E2F2: variants seen among roughly 807,000 people sequenced by gnomAD.
E2F2 encodes the protein E2F transcription factor 2.
A neutral mutation model predicts 42.2 loss-of-function variants in E2F2; 22 were observed. The observed-to-expected ratio is 0.52, with a 90% CI of 0.37 to 0.74. E2F2 has a LOEUF of 0.74. Ranked by LOEUF, E2F2 falls within the 30% of genes least tolerant of loss-of-function variation. E2F2 has a pLI of 0.00. For synonymous variants in E2F2, 248 were observed against 251.6 expected (o/e 0.99, Z 0.13); for missense variants, 481 against 557.8 (o/e 0.86, Z 1.39).
Position 23,516,487 on chromosome 1 carries a change from A to G in E2F2, c.893T>C (p.Ile298Thr). The G allele has an allele frequency of 6.2e-7, 1 of 1,609,948 alleles. No homozygotes were observed. Among genetic ancestry groups the G allele is most frequent in the Non-Finnish European group, 8.5e-7 (1 of 1,178,262 alleles). ...CTCCTCTGGGCACAGGTAGACTTCGATGGGCCCTTGGGTGCTCTTGAGATA... is the reference window on the plus strand; with the variant it reads ...CTCCTCTGGGCACAGGTAGACTTCGGTGGGCCCTTGGGTGCTCTTGAGATA... Reference protein sequence around the residue: ...QIYLKSTQGPIEVYLCPEEVQ... With the variant: ...QIYLKSTQGPTEVYLCPEEVQ... Residue 298 changes from isoleucine to threonine, a missense_variant, in exon 6 of 7, where the codon ATC becomes ACC. By Grantham distance (89) the Ile-to-Thr change is moderately conservative (BLOSUM62 -1). Coordinates refer to ENST00000361729, the MANE Select transcript of E2F2 (RefSeq NM_004091.4).
chr1:23,514,560 G>A lies in E2F2; in HGVS notation c.1045+1775C>T, dbSNP rs117462922. ...TGGGGACAGCAAACTTCTATAAAGAGCTGGAGCCTGTAATCCCAGCACTTT... is the reference window on the plus strand; with the variant it reads ...TGGGGACAGCAAACTTCTATAAAGAACTGGAGCCTGTAATCCCAGCACTTT... On this transcript the variant is annotated intron_variant, in intron 6 of 6. Transcript: ENST00000361729. 3.5e-4 allele frequency among the ~76,000 whole-genome samples: 54 copies of A among 152,120 alleles called. No individual in the cohort carries two copies. The East Asian group carries it at 8.5e-3, about 24-fold the overall frequency.
In E2F2 at chr1:23,507,333, A is replaced by G. The variant is rs931533877; in HGVS notation, c.*2547T>C. The G allele has an allele frequency of 6.6e-6, 1 of 152,086 alleles. No individual in the cohort carries two copies. The highest frequency in any genetic ancestry group is 1.5e-5 in the Non-Finnish European group (1 of 68,116). 9.4% of individuals were successfully genotyped at this position (152,086 alleles called of 1,614,324 possible). ...GGAGTTCAAGACCAGCCTGACTAAC[A>G]TGGCAAAACCCCGTCTCGACCAAAA... On this transcript the variant is annotated 3_prime_UTR_variant, in exon 7 of 7. Coordinates refer to ENST00000361729, the MANE Select transcript of E2F2 (RefSeq NM_004091.4).
intron 2 of E2F2, among the ~76,000 whole-genome samples, chr1:23,522,341 GACC>G (rs1431106878): frequency 6.6e-6 from 1 of 152,324 alleles, no homozygotes; most frequent in East Asian, 1.9e-4. Flanking sequence ...AGGGCTGCCA[GACC>G]ACCACCCACA....
chr1:23,530,877 C>A lies in E2F2; in HGVS notation c.-84G>T. Reference sequence around the variant, plus strand: ...TCCGGTGCTGCCGCCTTTCACACGGCCCGCGGCATGGCGCGGAGGCCGGGG... The same window carrying A: ...TCCGGTGCTGCCGCCTTTCACACGGACCGCGGCATGGCGCGGAGGCCGGGG... On this transcript the variant is annotated 5_prime_UTR_variant, in exon 1 of 7. Transcript: ENST00000361729. The surrounding 1 kb of genome is among the most constrained non-coding windows in gnomAD (Gnocchi z 4.4). 7.2e-7 allele frequency: 1 copy of A among 1,398,334 alleles called. No homozygotes were observed. Among genetic ancestry groups the A allele is most frequent in the Admixed American group, 3.1e-5 (1 of 32,720 alleles). The allele number at this position is 1,398,334 out of a possible 1,614,324, so 86.6% of individuals were successfully genotyped here. A position where few individuals can be genotyped will look rare whatever the true frequency, so the allele number is the denominator to read the frequency against.
chr1:23,518,946 T>C, intron 5 of E2F2, 70 bp downstream of exon 5: 2 of 1,287,852 alleles, frequency 1.6e-6, no homozygotes, highest in Non-Finnish European at 2.2e-6. Flanking sequence ...GGACAGAGTC[T>C]GCAGAGCCGC....
Position 23,530,778 on chromosome 1 carries a change from G to A in E2F2, c.16C>T (p.Arg6Trp), listed in dbSNP as rs773794419. The A allele has an allele frequency of 7.7e-6, 12 of 1,551,350 alleles. No individual in the cohort carries two copies. The South Asian group carries it at 9.3e-5, about 12-fold the overall frequency. MLQGP[R>W]ALASAAGQTP... ...TGCCCAGCGGCCGAAGCCAAGGCCC[G>A]GGGCCCTTGCAGCATAGCGAGTAAG... is the stretch of plus-strand genomic sequence containing the variant. The change falls in exon 1 of 7, where the codon CGG (arginine) becomes TGG (tryptophan). Residue 6 changes from arginine to tryptophan, a missense_variant. Transcript: ENST00000361729. This position sits in a 1 kb window ranked among gnomAD's most constrained non-coding sequence, Gnocchi z 4.4.
Position 23,521,947 on chromosome 1 carries a change from G to T in E2F2, c.468C>A (p.Asn156Lys). Residue 156 changes from asparagine (N) to lysine (K), a missense_variant, in exon 3 of 7, where the codon AAC becomes AAA. Asn to Lys is a moderately conservative substitution (Grantham distance 94, BLOSUM62 0). Transcript: ENST00000361729. ...GCACGTCCAGCACCTCAGCGGCCCA[G>T]TTCAGGTCCAGGACCCCATCCTCTG... ...SESEDGVLDLNWAAEVLDVQK... is the reference protein window; with the variant it reads ...SESEDGVLDLKWAAEVLDVQK... The T allele has an allele frequency of 1.2e-6, 2 of 1,614,198 alleles. No individual in the cohort carries two copies. The highest frequency in any genetic ancestry group is 1.7e-6 in the Non-Finnish European group (2 of 1,180,034).
chr1:23,518,206 G>A (rs1397969693), intron 5 of E2F2, among the ~76,000 whole-genome samples: 5 of 151,648 alleles, frequency 3.3e-5, no homozygotes, highest in Admixed American at 3.3e-4. Flanking sequence ...GGTGGCTCAT[G>A]CCTGTAATCC....
chr1:23,510,566 C>T (rs1408180465), intron 6 of E2F2, among the ~76,000 whole-genome samples: 1 of 152,152 alleles, frequency 6.6e-6, no homozygotes, highest in African/African-American at 2.4e-5. Flanking sequence ...CTCAAGTGAT[C>T]GGCCTTCCAA....
rs770860819 is a variant in E2F2 at position 23,516,450 on chromosome 1, C to A, written c.930G>T (p.Pro310=). 2.5e-6 allele frequency: 4 copies of A among 1,609,532 alleles called. No individual in the cohort carries two copies. The South Asian group carries it at 4.4e-5, about 18-fold the overall frequency. ...GGAGAGGCTCCTCGGAAGGACTGTC[C>A]GGCTCCTGCACCTCCTCTGGGCACA... is the stretch of plus-strand genomic sequence containing the variant. ...VYLCPEEVQE[P]DSPSEEPLPS... is the part of the protein sequence containing the mutation. The change falls in exon 6 of 7, where the codon CCG becomes CCT. Residue 310 remains proline (P), a synonymous_variant. Coordinates refer to ENST00000361729, the MANE Select transcript of E2F2 (RefSeq NM_004091.4).
At position 23,524,426 on chromosome 1, in the gene E2F2, G is replaced by T. The variant is rs765337368; in HGVS notation, c.315C>A (p.Pro105=). The T allele has an allele frequency of 4.3e-6, 7 of 1,611,770 alleles. No individual in the cohort carries two copies. In the South Asian group the frequency reaches 7.7e-5, roughly 18 times the overall value. Reference sequence around the variant, plus strand: ...CATCCACTCTGATGCACTTCCCCTTGGGGGTTGGGAACTCAGGGACGACGG... The same window carrying T: ...CATCCACTCTGATGCACTTCCCCTTTGGGGTTGGGAACTCAGGGACGACGG... ...GRPVVPEFPT[P]KGKCIRVDGL... is the part of the protein sequence containing the mutation. Residue 105 remains proline (P), a synonymous_variant, in exon 2 of 7, where the codon CCC becomes CCA. Transcript: ENST00000361729.
rs1342464160 is a variant in E2F2, at chr1:23,521,051, T to C, written c.599A>G (p.Asp200Gly). The C allele has an allele frequency of 1.8e-5, 29 of 1,611,728 alleles. No individual in the cohort carries two copies. The highest frequency in any genetic ancestry group is 2.5e-5 in the Non-Finnish European group (29 of 1,179,072). Reference sequence around the variant, plus strand: ...TTGCTGCTTCCCAGGTCTGGTGGGGTCTTCAAACATTCCCCTGCCTCTGGG... The same window carrying C: ...TTGCTGCTTCCCAGGTCTGGTGGGGCCTTCAAACATTCCCCTGCCTCTGGG... ...IQWVGRGMFE[D>G]PTRPGKQQQL... The change falls in exon 4 of 7, where the codon GAC becomes GGC. Residue 200 changes from aspartate (D) to glycine (G), a missense_variant. Asp to Gly is a moderately conservative substitution (Grantham distance 94). Transcript: ENST00000361729.
Position 23,509,676 on chromosome 1 carries a change from G to A in E2F2, c.*204C>T. 1 of 1,010,396 alleles carries A rather than the reference G, an allele frequency of 9.9e-7. No homozygotes were observed. Among genetic ancestry groups the A allele is most frequent in the Non-Finnish European group, 1.3e-6 (1 of 773,612 alleles). 62.6% of individuals were successfully genotyped at this position (1,010,396 alleles called of 1,614,324 possible). Reference sequence around the variant, plus strand: ...TAGGCCCAGCTTCCATTAGGAAGGTGAGGACCACCCCTTATCCACTCCTCA... The same window carrying A: ...TAGGCCCAGCTTCCATTAGGAAGGTAAGGACCACCCCTTATCCACTCCTCA... On this transcript the variant is annotated 3_prime_UTR_variant, in exon 7 of 7. Transcript: ENST00000361729.
intron 1 of E2F2, among the ~76,000 whole-genome samples, chr1:23,527,435 G>A (rs1474617660): frequency 1.3e-5 from 2 of 152,216 alleles, no homozygotes; most frequent in African/African-American, 4.8e-5. Flanking sequence ...TTCAAGGCCT[G>A]GTCAGGACGC....
chr1:23,519,637 T>A (rs993322961), intron 4 of E2F2, among the ~76,000 whole-genome samples: 6 of 152,202 alleles, frequency 3.9e-5, no homozygotes, highest in Non-Finnish European at 8.8e-5. Context: ...ATTCTATGTA[T>A]AAAGATATTC....
At position 23,516,371 on chromosome 1, in the gene E2F2, T is replaced by G; in HGVS notation, c.1009A>C (p.Thr337Pro). ...GTGGGCTCCATGATGCTAGGGTCGGTGCTGCTGCTGGGCTGGGCAGAGTCA... is the reference window on the plus strand; with the variant it reads ...GTGGGCTCCATGATGCTAGGGTCGGGGCTGCTGCTGGGCTGGGCAGAGTCA... ...SPDSAQPSSS[T>P]DPSIMEPTAS... Residue 337 changes from threonine to proline, a missense_variant, in exon 6 of 7, where the codon ACC (threonine) becomes CCC (proline). By Grantham distance (38) the Thr-to-Pro change is conservative. Transcript: ENST00000361729. The G allele has an allele frequency of 6.3e-7, 1 of 1,581,760 alleles. No homozygotes were observed. Among genetic ancestry groups the G allele is most frequent in the Non-Finnish European group, 8.6e-7 (1 of 1,166,382 alleles).
chr1:23,513,065 G>A (rs1396007632), intron 6 of E2F2, among the ~76,000 whole-genome samples: 1 of 151,700 alleles, frequency 6.6e-6, no homozygotes, highest in African/African-American at 2.4e-5. Context: ...CACCTCCCTC[G>A]GCCTCTCCAA....
rs1170574415 is a variant in E2F2, at chr1:23,530,762, G to A, written c.32C>T (p.Ala11Val). 6 of 1,571,646 alleles carry A rather than the reference G, an allele frequency of 3.8e-6. No homozygotes were observed. In the East Asian group the frequency reaches 6.9e-5, roughly 18 times the overall value. Residue 11 changes from alanine (A) to valine (V), a missense_variant, in exon 1 of 7, where the codon GCC (alanine) becomes GTC (valine). Ala to Val is a moderately conservative substitution (Grantham distance 64, BLOSUM62 0). Coordinates refer to ENST00000361729, the MANE Select transcript of E2F2 (RefSeq NM_004091.4). The surrounding 1 kb of genome is among the most constrained non-coding windows in gnomAD (Gnocchi z 4.4). Reference protein sequence around the residue: MLQGPRALASAAGQTPKVVPA... With the variant: MLQGPRALASVAGQTPKVVPA... ...CACCACCTTCGGGGTCTGCCCAGCG[G>A]CCGAAGCCAAGGCCCGGGGCCCTTG...
chr1:23,517,110 A>AT (rs1433747864), intron 5 of E2F2, among the ~76,000 whole-genome samples: 5 of 152,256 alleles, frequency 3.3e-5, no homozygotes, highest in Non-Finnish European at 2.9e-5. Context: ...GAGCATCTAC[A>AT]TCCAACCTTG....
Sources: gnomAD v4.1 joint callset for allele counts (sites outside exome capture counted in the v4.1 genomes callset) on GRCh38, gnomAD v4.1.1 for gene constraint, Gnocchi (gnomAD v3.1) non-coding constraint, MANE v1.5 for transcripts, NCBI Gene and HGNC (gene_info 2026-07-23, HGNC 2026-07-21) for gene names.